Variants in SBSPON observed in about 807,000 individuals in gnomAD.
The protein encoded by SBSPON is somatomedin B and thrombospondin type 1 domain containing.
In SBSPON, 30 loss-of-function variants were observed where a neutral mutation model predicts 35.8. The observed-to-expected ratio is 0.84, with a 90% confidence interval of 0.63 to 1.14. The LOEUF (loss-of-function observed/expected upper bound fraction) is 1.14. Among genes scored for constraint, SBSPON ranks in the 50% most tolerant of loss-of-function variants. The pLI is 0.00. For missense variants in SBSPON, 364 were observed against 357.7 expected (o/e 1.02, Z -0.14); for synonymous variants, 136 against 135.9 (o/e 1.00, Z 0.00).
chr8:73,086,254 G>A (rs1398889227), intron 1 of SBSPON, among the ~76,000 whole-genome samples: 2 of 151,804 alleles, frequency 1.3e-5, no homozygotes, highest in Non-Finnish European at 2.9e-5. Flanking sequence ...TCCGCCTCCT[G>A]AGTTCAAGAG....
intron 1 of SBSPON, chr8:73,085,680 C>T (rs959257555): frequency 1.3e-5 from 2 of 152,124 alleles, no homozygotes; most frequent in Admixed American, 6.5e-5. Context: ...CTTTAGGTAC[C>T]AAAGGGTCAT....
At position 73,092,171 on chromosome 8, in the gene SBSPON, A is replaced by T. The variant is rs183949013; in HGVS notation, c.214+683T>A. 1.4e-3 allele frequency among the ~76,000 whole-genome samples: 215 copies of T among 152,350 alleles called. 2 individuals carry two copies. The highest frequency in any genetic ancestry group is 5.0e-3 in the African/African-American group (209 of 41,578). On this transcript the variant is annotated intron_variant, in intron 1 of 4. Coordinates refer to ENST00000297354, the MANE Select transcript of SBSPON (RefSeq NM_153225.4). ...AGTTGAAAAAGACTGACCCTAAAGG[A>T]AAACCAGCAAGATTACAACATAATA...
At chr8:73,071,306 G>A (rs906268669) in intron 3 of SBSPON, among the ~76,000 whole-genome samples, 2 of 152,202 alleles carry the variant, frequency 1.3e-5, no homozygotes, top group African/African-American at 2.4e-5. Flanking sequence ...GTGGGGACCT[G>A]AGCGTGCAGC....
At chr8:73,075,121 T>G (rs1010816969) in intron 2 of SBSPON, among the ~76,000 whole-genome samples, 1 of 152,212 alleles carries the variant, frequency 6.6e-6, no homozygotes, top group Non-Finnish European at 1.5e-5. Flanking sequence ...GCAATCCTTC[T>G]GCCTTGGCTT....
At position 73,069,894 on chromosome 8, in the gene SBSPON, T is replaced by C; in HGVS notation, c.588A>G (p.Arg196=). The part of the protein sequence containing the change: ...WPLTRWMQYL[R]EGYTVCVDCQ... ...AATCCACACACACCGTGTATCCCTC[T>C]CGGAGATACTGCATCCATCTAGTCA... Residue 196 remains arginine, a synonymous_variant, in exon 4 of 5, where the codon CGA becomes CGG. Coordinates refer to ENST00000297354, the MANE Select transcript of SBSPON (RefSeq NM_153225.4). 6.2e-7 allele frequency: 1 copy of C among 1,612,818 alleles called. No individual in the cohort carries two copies.
chr8:73,073,142 T>C (rs945192654), intron 2 of SBSPON, among the ~76,000 whole-genome samples: 14 of 152,218 alleles, frequency 9.2e-5, no homozygotes, highest in Admixed American at 3.3e-4. Context: ...AATAAATATT[T>C]GTGCAAGGAA....
Position 73,081,056 on chromosome 8 carries a change from G to A in SBSPON, c.372C>T (p.Tyr124=), listed in dbSNP as rs763605847. 2 of 1,611,498 alleles carry A rather than the reference G, an allele frequency of 1.2e-6. No individual in the cohort carries two copies. The highest frequency in any genetic ancestry group is 2.2e-5 in the East Asian group (1 of 44,832). The change falls in exon 2 of 5, where the codon TAC becomes TAT. Residue 124 remains tyrosine (Y), a synonymous_variant. Transcript: ENST00000297354. ...CGCAGTCCTGGCCCTGCGGGGTGGA[G>A]TACTCCAGGCAGCCAGCTCTCTCTT... The part of the protein sequence containing the change: ...PLEERAGCLE[Y]STPQGQDCGH...
chr8:73,068,279 T>C (rs1810430673), intron 4 of SBSPON, among the ~76,000 whole-genome samples: 1 of 152,208 alleles, frequency 6.6e-6, no homozygotes, highest in Non-Finnish European at 1.5e-5. Flanking sequence ...ATTTTCTATT[T>C]GATATAAATT....
chr8:73,069,960 T>C lies in SBSPON; in HGVS notation c.522A>G (p.Thr174=). The C allele has an allele frequency of 2.5e-6, 4 of 1,597,790 alleles. No homozygotes were observed. Among genetic ancestry groups the C allele is most frequent in the Middle Eastern group, 1.7e-4 (1 of 5,948 alleles). The part of the protein sequence containing the change: ...EDAGYCMEFK[T]ESLTPHCALE... Reference sequence around the variant, plus strand: ...GAGCACAGTGAGGAGTCAAGGACTCTGTCTTAAACTCCATACAGTATCTAC... The same window carrying C: ...GAGCACAGTGAGGAGTCAAGGACTCCGTCTTAAACTCCATACAGTATCTAC... The change falls in exon 4 of 5, where the codon ACA becomes ACG. Residue 174 remains threonine (T), a synonymous_variant. Transcript: ENST00000297354.
chr8:73,077,682 C>T (rs1307487459), intron 2 of SBSPON, among the ~76,000 whole-genome samples: 2 of 152,182 alleles, frequency 1.3e-5, no homozygotes, highest in Admixed American at 6.5e-5. Flanking sequence ...GGCCTGGGGC[C>T]CATGGAGAAT....
In SBSPON at chr8:73,069,915, A is replaced by G; in HGVS notation, c.567T>C (p.Thr189=). The change falls in exon 4 of 5, where the codon ACT becomes ACC. Residue 189 remains threonine (T), a synonymous_variant. Coordinates refer to ENST00000297354, the MANE Select transcript of SBSPON (RefSeq NM_153225.4). ...PHCALENWPL[T]RWMQYLREGY... ...CCTCTCGGAGATACTGCATCCATCT[A>G]GTCAAGGGCCAGTTTTCCAGAGCAC... 3 of 1,612,464 alleles carry G rather than the reference A, an allele frequency of 1.9e-6. No individual in the cohort carries two copies. Among genetic ancestry groups the G allele is most frequent in the Non-Finnish European group, 2.5e-6 (3 of 1,178,650 alleles).
intron 2 of SBSPON, among the ~76,000 whole-genome samples, chr8:73,073,065 G>C (rs73314488): frequency 1.3e-5 from 2 of 152,204 alleles, no homozygotes; most frequent in African/African-American, 4.8e-5. Flanking sequence ...GACTGACTCT[G>C]TTGTCATCTT....
chr8:73,067,540 T>A (rs1365293337), intron 4 of SBSPON, 82 bp from the exon 5 acceptor site: 3 of 753,776 alleles, frequency 4.0e-6, no homozygotes, highest in African/African-American at 2.1e-5. Context: ...AACTCGGAGT[T>A]AAAAAAAACT....
At chr8:73,074,186 T>C (rs921746185) in intron 2 of SBSPON, among the ~76,000 whole-genome samples, 1 of 152,226 alleles carries the variant, frequency 6.6e-6, no homozygotes, top group Non-Finnish European at 1.5e-5. Flanking sequence ...GGGGATTCTT[T>C]AGCTCAGATA....
chr8:73,092,948 G>A lies in SBSPON; in HGVS notation c.120C>T (p.Gly40=). Residue 40 remains glycine (G), a synonymous_variant, in exon 1 of 5, where the codon GGC becomes GGT. Coordinates refer to ENST00000297354, the MANE Select transcript of SBSPON (RefSeq NM_153225.4). ...TCCCGTAGACCCTGTCCAGCCTCCAGCCGCGGGCGAAGCAGGCGGGGTCCC... is the reference window on the plus strand; with the variant it reads ...TCCCGTAGACCCTGTCCAGCCTCCAACCGCGGGCGAAGCAGGCGGGGTCCC... ...PGRDPACFAR[G]WRLDRVYGTC... 1 of 1,605,000 alleles carries A rather than the reference G, an allele frequency of 6.2e-7. No individual in the cohort carries two copies. Among genetic ancestry groups the A allele is most frequent in the Admixed American group, 1.7e-5 (1 of 59,192 alleles).
intron 2 of SBSPON, chr8:73,074,545 G>A (rs761102104): frequency 1.3e-5 from 13 of 977,648 alleles, no homozygotes; most frequent in African/African-American, 1.8e-5. Flanking sequence ...GCCAGGCAAC[G>A]TCTCCGAAAT....
intron 1 of SBSPON, among the ~76,000 whole-genome samples, chr8:73,082,551 A>G (rs1257969419): frequency 6.6e-6 from 1 of 152,216 alleles, no homozygotes; most frequent in African/African-American, 2.4e-5. Context: ...ACTAGTTTAA[A>G]ACATGCTTTC....
intron 2 of SBSPON, chr8:73,075,640 A>G (rs1375525014): frequency 5.5e-6 from 1 of 181,948 alleles, no homozygotes; most frequent in Non-Finnish European, 1.0e-5. Flanking sequence ...AGGGCATTGC[A>G]TATACTTACT....
Position 73,080,959 on chromosome 8 carries a change from A to T in SBSPON, c.409+60T>A, listed in dbSNP as rs1054945953. On this transcript the variant is annotated intron_variant, in intron 2 of 4. Transcript: ENST00000297354. ...TGCACAGCATATGGCCTTTTGTAGG[A>T]TGAAGTGGTCAAAAAGTCATCACAG... The T allele has an allele frequency of 3.6e-5, 51 of 1,434,970 alleles. No homozygotes were observed. The Middle Eastern group carries it at 5.5e-4, about 15-fold the overall frequency. 88.9% of individuals were successfully genotyped at this position (1,434,970 alleles called of 1,614,324 possible).
Sources: allele counts gnomAD v4.1 joint callset (sites outside exome capture counted in the v4.1 genomes callset), GRCh38; gene constraint gnomAD v4.1.1; transcripts MANE v1.5; gene names NCBI Gene and HGNC (gene_info 2026-07-23, HGNC 2026-07-21).